FREM2: variants seen among roughly 807,000 people sequenced by gnomAD.
FREM2 encodes the protein FRAS1-related extracellular matrix protein 2.
FREM2 carries 119 observed loss-of-function variants against 219.9 expected under a neutral mutation model. The ratio of observed to expected loss-of-function variants is 0.54; its 90% CI spans 0.47 to 0.63. FREM2 has a LOEUF of 0.63. Among genes scored for constraint, FREM2 ranks in the 30% least tolerant of loss-of-function variants. The pLI is 0.00. For missense variants in FREM2, 4,030 were observed against 3,993.6 expected (o/e 1.01, Z -0.25); for synonymous variants, 1,562 against 1,522.8 (o/e 1.03, Z -0.60).
chr13:38,751,486 T>C (rs1872764125), intron 2 of FREM2, among the ~76,000 whole-genome samples: 1 of 152,112 alleles, frequency 6.6e-6, no homozygotes, highest in South Asian at 2.1e-4. Flanking sequence ...TGTCCTTCCC[T>C]GAATCGGTTT....
In FREM2 at chr13:38,864,262, C is replaced by T. The variant is rs766713506; in HGVS notation, c.7652-13C>T. On this transcript the variant is annotated splice_polypyrimidine_tract_variant and intron_variant, in intron 15 of 23. Coordinates refer to ENST00000280481, the MANE Select transcript of FREM2 (RefSeq NM_207361.6). ...CTTGAAAGACTGTTAACAATGATTT[C>T]GATTTATCATAGGCATGCTCCCCGT... 22 of 1,602,148 alleles carry T rather than the reference C, an allele frequency of 1.4e-5. No individual in the cohort carries two copies. Among genetic ancestry groups the T allele is most frequent in the Admixed American group, 1.7e-5 (1 of 59,808 alleles).
chr13:38,788,194 T>C (rs767961779), intron 6 of FREM2, among the ~76,000 whole-genome samples: 1 of 152,140 alleles, frequency 6.6e-6, no homozygotes, highest in Non-Finnish European at 1.5e-5. Context: ...TATTTTCAAG[T>C]CTTCAGAAGC....
At chr13:38,741,091 G>A (rs1407137756) in intron 2 of FREM2, among the ~76,000 whole-genome samples, 1 of 152,104 alleles carries the variant, frequency 6.6e-6, no homozygotes, top group Non-Finnish European at 1.5e-5. Flanking sequence ...ATGTTACAAT[G>A]TAGGAAACTA....
chr13:38,786,116 TAG>T (rs1198464584), intron 6 of FREM2, among the ~76,000 whole-genome samples: 1 of 152,226 alleles, frequency 6.6e-6, no homozygotes, highest in Non-Finnish European at 1.5e-5. Context: ...TATTGTTAAC[TAG>T]AGTCACCCTA....
intron 2 of FREM2, among the ~76,000 whole-genome samples, chr13:38,724,065 C>T (rs916840574): frequency 6.6e-6 from 1 of 152,152 alleles, no homozygotes; most frequent in Non-Finnish European, 1.5e-5. Flanking sequence ...TAGATTTACT[C>T]CTTTGCTGAG....
chr13:38,867,800 G>C (rs1414893367), intron 16 of FREM2, among the ~76,000 whole-genome samples: 1 of 152,198 alleles, frequency 6.6e-6, no homozygotes, highest in Non-Finnish European at 1.5e-5. Context: ...ACCACTCTTT[G>C]AGATAAGTAC....
Position 38,783,057 on chromosome 13 carries a change from G to T in FREM2, c.5642-13G>T. On this transcript the variant is annotated splice_polypyrimidine_tract_variant and intron_variant, in intron 4 of 23. Coordinates refer to ENST00000280481, the MANE Select transcript of FREM2 (RefSeq NM_207361.6). ...AGACAAAAATAATGCTTGCAATTGTGTTTTCTCTCTAGAGCCAACTGTGTT... is the reference window on the plus strand; with the variant it reads ...AGACAAAAATAATGCTTGCAATTGTTTTTTCTCTCTAGAGCCAACTGTGTT... 1 of 1,613,038 alleles carries T rather than the reference G, an allele frequency of 6.2e-7. No homozygotes were observed. Among genetic ancestry groups the T allele is most frequent in the Non-Finnish European group, 8.5e-7 (1 of 1,179,772 alleles).
chr13:38,697,533 T>C (rs1242465917), intron 1 of FREM2, among the ~76,000 whole-genome samples, 165 bp from the exon 2 acceptor site: 1 of 152,226 alleles, frequency 6.6e-6, no homozygotes, highest in Non-Finnish European at 1.5e-5. Flanking sequence ...ACAGCTGAAA[T>C]CTAGGGGCTT....
chr13:38,827,809 T>C (rs1593431986), intron 6 of FREM2, among the ~76,000 whole-genome samples: 1 of 152,284 alleles, frequency 6.6e-6, no homozygotes, highest in East Asian at 1.9e-4. Context: ...TGAAATGCTA[T>C]AGACAGTTGG....
intron 6 of FREM2, among the ~76,000 whole-genome samples, chr13:38,820,978 G>T (rs1440397266): frequency 6.6e-6 from 1 of 152,162 alleles, no homozygotes; most frequent in Non-Finnish European, 1.5e-5. Context: ...AAAACATTTT[G>T]TAATAGATGT....
At chr13:38,866,724 A>G (rs1292535423) in intron 16 of FREM2, among the ~76,000 whole-genome samples, 1 of 151,268 alleles carries the variant, frequency 6.6e-6, no homozygotes, top group African/African-American at 2.4e-5. Flanking sequence ...GATCTCATCT[A>G]GTTTATAGTC....
intron 2 of FREM2, among the ~76,000 whole-genome samples, chr13:38,720,730 A>G (rs749894640): frequency 2.0e-5 from 3 of 152,204 alleles, no homozygotes; most frequent in Non-Finnish European, 4.4e-5. Context: ...GCAAAATGAC[A>G]GAGTCTAAAG....
intron 14 of FREM2, among the ~76,000 whole-genome samples, chr13:38,860,049 T>TCTC (rs1312117638): frequency 1.6e-4 from 24 of 152,054 alleles, no homozygotes; most frequent in African/African-American, 5.5e-4. Context: ...GAATGCGGGA[T>TCTC]ATTGTGGGAA....
intron 6 of FREM2, among the ~76,000 whole-genome samples, chr13:38,793,481 A>C (rs1874643533): frequency 6.6e-6 from 1 of 152,192 alleles, no homozygotes; most frequent in African/African-American, 2.4e-5. Flanking sequence ...AAGCTTGGAT[A>C]CAGCAAAAAA....
At chr13:38,783,868 G>A (rs926026279) in intron 5 of FREM2, among the ~76,000 whole-genome samples, 7 of 152,180 alleles carry the variant, frequency 4.6e-5, no homozygotes, top group South Asian at 2.1e-4. Flanking sequence ...AGGCCGAGGC[G>A]GGTGGATCAC....
intron 3 of FREM2, among the ~76,000 whole-genome samples, chr13:38,767,106 C>T (rs1593394490): frequency 6.6e-6 from 1 of 152,200 alleles, no homozygotes; most frequent in East Asian, 1.9e-4. Flanking sequence ...AAGGCCCATG[C>T]TCTTAATCAC....
intron 2 of FREM2, among the ~76,000 whole-genome samples, chr13:38,735,302 A>T (rs1234378219): frequency 6.6e-6 from 1 of 152,188 alleles, no homozygotes; most frequent in Admixed American, 6.6e-5. Context: ...CATATTGCAA[A>T]TTATAAATGT....
chr13:38,838,953 A>G (rs556716846), intron 6 of FREM2, among the ~76,000 whole-genome samples: 2 of 151,934 alleles, frequency 1.3e-5, no homozygotes, highest in African/African-American at 4.8e-5. Flanking sequence ...TCTGAGGCCT[A>G]CTTCTTCAAT....
At position 38,691,704 on chromosome 13, in the gene FREM2, G is replaced by A. The variant is rs1368509400; in HGVS notation, c.4360G>A (p.Glu1454Lys). The A allele has an allele frequency of 1.2e-6, 2 of 1,613,682 alleles. No individual in the cohort carries two copies. The highest frequency in any genetic ancestry group is 1.3e-5 in the African/African-American group (1 of 74,924). ...LSTSDLNSPDENLVFTITRAP... is the reference protein window; with the variant it reads ...LSTSDLNSPDKNLVFTITRAP... ...CACTAGTGACTTGAACAGTCCTGAT[G>A]AAAACTTGGTTTTTACCATCACCAG... The change falls in exon 1 of 24, where the codon GAA becomes AAA. Residue 1454 changes from glutamate to lysine, a missense_variant. By Grantham distance (56) the Glu-to-Lys change is moderately conservative. This residue lies in a region of FREM2 where 3,102 missense variants were observed against 2,950.7 expected (regional missense o/e 1.05). Coordinates refer to ENST00000280481, the MANE Select transcript of FREM2 (RefSeq NM_207361.6).
Sources: allele counts gnomAD v4.1 joint callset (sites outside exome capture counted in the v4.1 genomes callset), GRCh38; gene constraint gnomAD v4.1.1; regional missense constraint gnomAD v4.1.1; transcripts MANE v1.5; gene names NCBI Gene and HGNC (gene_info 2026-07-23, HGNC 2026-07-21).